The following LRRC75A variants were observed in gnomAD, a reference collection of about 807,000 sequenced individuals.
LRRC75A encodes leucine rich repeat containing 75A, also known as leucine-rich repeat-containing protein 75A.
A neutral mutation model predicts 26.0 loss-of-function variants in LRRC75A; 12 were observed. That is an observed-to-expected ratio of 0.46 (90% CI 0.30 to 0.75). The LOEUF is 0.75. LRRC75A is among the 30% of genes least tolerant of loss of function. The pLI is 0.08. For synonymous variants in LRRC75A, 223 were observed against 219.3 expected (o/e 1.02, Z -0.15); for missense variants, 410 against 486.6 (o/e 0.84, Z 1.48).
At chr17:16,489,127 C>G (rs886082615) in intron 1 of LRRC75A, among the ~76,000 whole-genome samples, 3 of 152,100 alleles carry the variant, frequency 2.0e-5, no homozygotes, top group African/African-American at 7.2e-5. Flanking sequence ...TTCAGAGCCT[C>G]AAAAAGATCA....
rs1294832834 is a variant in LRRC75A, at chr17:16,441,771, G to A, written c.*1817C>T. The A allele has an allele frequency of 9.6e-6, 2 of 207,256 alleles. No individual in the cohort carries two copies. Among genetic ancestry groups the A allele is most frequent in the Non-Finnish European group, 2.0e-5 (2 of 99,114 alleles). 12.8% of individuals were successfully genotyped at this position (207,256 alleles called of 1,614,324 possible). A position where few individuals can be genotyped will look rare whatever the true frequency, so the allele number is the denominator to read the frequency against. ...CGGATTCTCTATGTTGCCCAGGCTGGTCTCAGGCTCCTGGGCTCAGATGGT... is the reference window on the plus strand; with the variant it reads ...CGGATTCTCTATGTTGCCCAGGCTGATCTCAGGCTCCTGGGCTCAGATGGT... On this transcript the variant is annotated 3_prime_UTR_variant, in exon 4 of 4. Transcript: ENST00000470794.
At chr17:16,454,085 G>A (rs7211315) in intron 2 of LRRC75A, among the ~76,000 whole-genome samples, 57,544 of 151,970 alleles carry the variant, frequency 0.38, 11,208 homozygotes, top group African/African-American at 0.4. Context: ...TCTTTACCAA[G>A]CCTGAGTATA....
At chr17:16,485,657 TGTGTGTGTGTGTTC>T (rs2093844871) in intron 1 of LRRC75A, among the ~76,000 whole-genome samples, 1 of 130,498 alleles carries the variant, frequency 7.7e-6, no homozygotes, top group Non-Finnish European at 1.7e-5. Context: ...TGTGTGTGTG[TGTGTGTGTGTGTTC>T]GTGTGTGTGT....
chr17:16,487,975 AG>A, intron 1 of LRRC75A, among the ~76,000 whole-genome samples: 1 of 152,348 alleles, frequency 6.6e-6, no homozygotes, highest in Non-Finnish European at 1.5e-5. Context: ...ACACGAAGAC[AG>A]GGGCTACCTC....
At chr17:16,446,324 G>C (rs112007664) in intron 3 of LRRC75A, among the ~76,000 whole-genome samples, 4 of 152,328 alleles carry the variant, frequency 2.6e-5, no homozygotes, top group African/African-American at 9.6e-5. Flanking sequence ...CCTCTACTAG[G>C]GGGAGACAGA....
At chr17:16,450,448 CTT>C (rs1417488082) in intron 2 of LRRC75A, among the ~76,000 whole-genome samples, 3 of 152,298 alleles carry the variant, frequency 2.0e-5, no homozygotes, top group South Asian at 2.1e-4. Context: ...CTGCCCCCAG[CTT>C]CCTGGTGCCT....
intron 3 of LRRC75A, among the ~76,000 whole-genome samples, chr17:16,447,233 T>A (rs1273962937): frequency 6.6e-6 from 1 of 152,028 alleles, no homozygotes; most frequent in Non-Finnish European, 1.5e-5. Context: ...CCTACCAATC[T>A]TCAAGGGACT....
rs2093547037 is a variant in LRRC75A at position 16,443,061 on chromosome 17, C to T, written c.*527G>A. Reference sequence around the variant, plus strand: ...CATAAGGAGGTAGGCCACGTTCAGTCCACCCCTAGCATAGATGGAACTGGG... The same window carrying T: ...CATAAGGAGGTAGGCCACGTTCAGTTCACCCCTAGCATAGATGGAACTGGG... On this transcript the variant is annotated 3_prime_UTR_variant, in exon 4 of 4. Transcript: ENST00000470794. The T allele has an allele frequency of 6.5e-6, 1 of 153,640 alleles. No individual in the cohort carries two copies. Among genetic ancestry groups the T allele is most frequent in the African/African-American group, 2.4e-5 (1 of 41,466 alleles). 9.5% of individuals were successfully genotyped at this position (153,640 alleles called of 1,614,324 possible). A position where few individuals can be genotyped will look rare whatever the true frequency, so the allele number is the denominator to read the frequency against.
At chr17:16,476,895 C>T (rs535622612) in intron 1 of LRRC75A, among the ~76,000 whole-genome samples, 21 of 152,116 alleles carry the variant, frequency 1.4e-4, no homozygotes, top group East Asian at 7.7e-4. Flanking sequence ...CCCACCACCA[C>T]GCCTGGCTAA....
At position 16,447,893 on chromosome 17, in the gene LRRC75A, G is replaced by GA; in HGVS notation, c.442dup (p.Ser148PhefsTer105). ...CAGCCCCCGGTGCCGCCTCCACTGGGAGTGGGGGCTGAGGTGGTATGTCAG... is the reference window on the plus strand; with the variant it reads ...CAGCCCCCGGTGCCGCCTCCACTGGGAAGTGGGGGCTGAGGTGGTATGTCAG... On this transcript the variant is annotated frameshift_variant, in exon 3 of 4. Coordinates refer to ENST00000470794, the MANE Select transcript of LRRC75A (RefSeq NM_001113567.3). LOFTEE classifies it high-confidence loss of function. 6.4e-7 allele frequency: 1 copy of GA among 1,550,502 alleles called. No individual in the cohort carries two copies. The highest frequency in any genetic ancestry group is 8.7e-7 in the Non-Finnish European group (1 of 1,146,802).
intron 1 of LRRC75A, among the ~76,000 whole-genome samples, chr17:16,487,220 G>C (rs2093848887): frequency 1.3e-5 from 2 of 152,236 alleles, no homozygotes; most frequent in African/African-American, 4.8e-5. Flanking sequence ...AGCATTCCAG[G>C]TGGAGGAAGA....
intron 1 of LRRC75A, among the ~76,000 whole-genome samples, chr17:16,485,614 G>A (rs2093844466): frequency 6.6e-6 from 1 of 150,788 alleles, no homozygotes; most frequent in Non-Finnish European, 1.5e-5. Context: ...GAACAGCCAG[G>A]AGGAGCCAGG....
chr17:16,456,888 C>A (rs921313171), intron 2 of LRRC75A, among the ~76,000 whole-genome samples: 18 of 152,340 alleles, frequency 1.2e-4, no homozygotes, highest in Admixed American at 4.6e-4. Flanking sequence ...CAGTCCTCCC[C>A]CGATCCCTGA....
chr17:16,455,829 G>A (rs937077095), intron 2 of LRRC75A, among the ~76,000 whole-genome samples: 2 of 152,196 alleles, frequency 1.3e-5, no homozygotes, highest in Admixed American at 6.5e-5. Flanking sequence ...GCTCCTAACC[G>A]CTATCTGCTG....
chr17:16,449,462 C>T (rs1267926025), intron 2 of LRRC75A, among the ~76,000 whole-genome samples: 2 of 152,230 alleles, frequency 1.3e-5, no homozygotes, highest in East Asian at 3.9e-4. Context: ...TCACTACTAG[C>T]GCAGTGCTTT....
intron 1 of LRRC75A, among the ~76,000 whole-genome samples, chr17:16,479,554 C>A (rs2093828805): frequency 6.6e-6 from 1 of 152,208 alleles, no homozygotes; most frequent in South Asian, 2.1e-4. Flanking sequence ...CTCATAAAGG[C>A]ACTCTATGGG....
rs571147388 is a variant in LRRC75A at position 16,444,600 on chromosome 17, G to C, written c.492-469C>G. Among the ~76,000 whole-genome samples, 4 of 152,214 alleles carry C rather than the reference G, an allele frequency of 2.6e-5. No homozygotes were observed. The South Asian group carries it at 8.3e-4, about 32-fold the overall frequency. On this transcript the variant is annotated intron_variant, in intron 3 of 3. Coordinates refer to ENST00000470794, the MANE Select transcript of LRRC75A (RefSeq NM_001113567.3). The stretch of plus-strand genomic sequence containing the variant: ...TCTTTCAAGACCATCTTCCCCACCA[G>C]AGAAGGATTCCCTATGGGGAGCCTG...
At chr17:16,450,099 G>C (rs1457726821) in intron 2 of LRRC75A, among the ~76,000 whole-genome samples, 3 of 152,170 alleles carry the variant, frequency 2.0e-5, no homozygotes, top group Non-Finnish European at 2.9e-5. Flanking sequence ...TCCCTCCATG[G>C]TTCAAGCCAC....
chr17:16,453,105 A>G (rs2093646330), intron 2 of LRRC75A, among the ~76,000 whole-genome samples: 1 of 152,046 alleles, frequency 6.6e-6, no homozygotes, highest in South Asian at 2.1e-4. Context: ...CCTGTCCAAT[A>G]TGGTGAAACC....
Sources: gnomAD v4.1 joint callset for allele counts (sites outside exome capture counted in the v4.1 genomes callset) on GRCh38, gnomAD v4.1.1 for gene constraint, MANE v1.5 for transcripts, NCBI Gene and HGNC (gene_info 2026-07-23, HGNC 2026-07-21) for gene names.